Variants in WTIP observed in about 807,000 individuals in gnomAD.
The protein encoded by WTIP is Wilms tumor protein 1-interacting protein.
Under a neutral mutation model 41.7 loss-of-function variants are expected in WTIP, and 23 were observed. The observed-to-expected ratio is 0.55, with a 90% CI of 0.40 to 0.78. The LOEUF (loss-of-function observed/expected upper bound fraction) is 0.78. Among genes scored for constraint, WTIP ranks in the 30% least tolerant of loss-of-function variants. The pLI is 0.00. For synonymous variants in WTIP, 314 were observed against 269.9 expected (o/e 1.16, Z -1.60); for missense variants, 619 against 610.5 (o/e 1.01, Z -0.15).
chr19:34,482,390 G>A lies in WTIP; in HGVS notation c.416G>A (p.Ser139Asn). ...RPGPGPPSVG[S>N]ARSSVSSLGS... ...GGTCCCGGGCCGCCTTCGGTGGGCA[G>A]CGCCCGCTCCAGCGTTTCCAGCCTC... Residue 139 changes from serine (S) to asparagine (N), a missense_variant, in exon 1 of 8, where the codon AGC becomes AAC. This residue lies in a region of WTIP where 363 missense variants were observed against 309.0 expected (regional missense o/e 1.17). Transcript: ENST00000590071. 1 of 1,366,564 alleles carries A rather than the reference G, an allele frequency of 7.3e-7. No individual in the cohort carries two copies. Among genetic ancestry groups the A allele is most frequent in the South Asian group, 1.5e-5 (1 of 66,018 alleles). The allele number at this position is 1,366,564 out of a possible 1,614,324, so 84.7% of individuals were successfully genotyped here.
At chr19:34,485,916 A>G (rs1165678563) in intron 1 of WTIP, among the ~76,000 whole-genome samples, 2 of 151,384 alleles carry the variant, frequency 1.3e-5, no homozygotes, top group Admixed American at 6.6e-5. Flanking sequence ...TCTCTGTCCA[A>G]CCCCTCATCT....
chr19:34,504,099 A>T lies in WTIP; in HGVS notation c.*3830A>T, dbSNP rs2145616001. The T allele has an allele frequency of 6.6e-6, 1 of 152,128 alleles. No individual in the cohort carries two copies. The highest frequency in any genetic ancestry group is 6.6e-5 in the Admixed American group (1 of 15,260). The allele number at this position is 152,128 out of a possible 1,614,324, so 9.4% of individuals were successfully genotyped here. A position where few individuals can be genotyped will look rare whatever the true frequency, so the allele number is the denominator to read the frequency against. ...AGAAAGTCGTGTGTGAAAGGGATTG[A>T]ATATTTCAGAAAATGAATGAGAGAG... is the stretch of plus-strand genomic sequence containing the variant. On this transcript the variant is annotated 3_prime_UTR_variant, in exon 8 of 8. Transcript: ENST00000590071.
In WTIP at chr19:34,501,937, G is replaced by A. The variant is rs1430033441; in HGVS notation, c.*1668G>A. The A allele has an allele frequency of 1.3e-5, 2 of 152,206 alleles. No individual in the cohort carries two copies. The highest frequency in any genetic ancestry group is 2.9e-5 in the Non-Finnish European group (2 of 69,420). The allele number at this position is 152,206 out of a possible 1,614,324, so 9.4% of individuals were successfully genotyped here. A position where few individuals can be genotyped will look rare whatever the true frequency, so the allele number is the denominator to read the frequency against. The stretch of plus-strand genomic sequence containing the variant: ...CGGTGCTGGCTCTCTCCTGCTAGCT[G>A]AGCTGCTTTTTCTTTTCTTTTCTTT... On this transcript the variant is annotated 3_prime_UTR_variant, in exon 8 of 8. Coordinates refer to ENST00000590071, the MANE Select transcript of WTIP (RefSeq NM_001080436.2).
In WTIP at chr19:34,482,504, C is replaced by T. The variant is rs958085652; in HGVS notation, c.530C>T (p.Pro177Leu). Residue 177 changes from proline (P) to leucine (L), a missense_variant, in exon 1 of 8, where the codon CCG (proline) becomes CTG (leucine). Around this residue, in one of 3 missense-constraint regions of WTIP, gnomAD observed 363 missense variants for 309.0 expected, o/e 1.17. Transcript: ENST00000590071. The part of the protein sequence containing the change: ...APARSPEPAG[P>L]APFPLPALPL... ...GCTCGCTCCCCGGAGCCTGCGGGGC[C>T]GGCTCCCTTCCCGCTGCCTGCACTC... 4.9e-6 allele frequency: 6 copies of T among 1,234,846 alleles called. No homozygotes were observed. Among genetic ancestry groups the T allele is most frequent in the African/African-American group, 3.2e-5 (2 of 63,362 alleles). The allele number at this position is 1,234,846 out of a possible 1,614,324, so 76.5% of individuals were successfully genotyped here. A position where few individuals can be genotyped will look rare whatever the true frequency, so the allele number is the denominator to read the frequency against.
intron 1 of WTIP, among the ~76,000 whole-genome samples, chr19:34,485,613 A>G: frequency 6.7e-6 from 1 of 149,268 alleles, no homozygotes; most frequent in East Asian, 1.9e-4. Context: ...TTTTTTTTAG[A>G]GACAGGGTCT....
At position 34,481,983 on chromosome 19, in the gene WTIP, C is replaced by T; in HGVS notation, c.9C>T (p.Arg3=). ...GGCCGGCGGGCCGGGCCATGCAGCG[C>T]TCCAGGGCGGGCGCGGACGAGGCGG... MQ[R]SRAGADEAAL... is the part of the protein sequence containing the mutation. The change falls in exon 1 of 8, where the codon CGC becomes CGT. Residue 3 remains arginine, a synonymous_variant. Transcript: ENST00000590071. The T allele has an allele frequency of 9.9e-7, 1 of 1,009,262 alleles. No homozygotes were observed. Among genetic ancestry groups the T allele is most frequent in the Non-Finnish European group, 1.2e-6 (1 of 846,888 alleles). 62.5% of individuals were successfully genotyped at this position (1,009,262 alleles called of 1,614,324 possible).
chr19:34,498,086 G>A (rs2075864867), intron 7 of WTIP, among the ~76,000 whole-genome samples: 1 of 152,160 alleles, frequency 6.6e-6, no homozygotes, highest in African/African-American at 2.4e-5. Context: ...GGGACAGACA[G>A]GAGACCAGGG....
At chr19:34,485,943 C>G (rs2075795003) in intron 1 of WTIP, among the ~76,000 whole-genome samples, 1 of 152,080 alleles carries the variant, frequency 6.6e-6, no homozygotes, top group Non-Finnish European at 1.5e-5. Context: ...GTCCTTGGCC[C>G]TGGTACCAGC....
chr19:34,485,799 T>C (rs531214019), intron 1 of WTIP, among the ~76,000 whole-genome samples: 14 of 152,278 alleles, frequency 9.2e-5, no homozygotes, highest in African/African-American at 3.4e-4. Flanking sequence ...CTTGCTTTGT[T>C]GTCCAGGCTG....
At chr19:34,484,951 A>AT in intron 1 of WTIP, among the ~76,000 whole-genome samples, 1 of 151,882 alleles carries the variant, frequency 6.6e-6, no homozygotes, top group African/African-American at 2.4e-5. Flanking sequence ...AAAAAAAAAA[A>AT]AAAAGCTGCT....
intron 6 of WTIP, 95 bp from the exon 7 acceptor site, chr19:34,495,608 C>A: frequency 6.9e-7 from 1 of 1,445,812 alleles, no homozygotes; most frequent in Non-Finnish European, 9.6e-7. Context: ...GCACCTCCGC[C>A]GGGACAGGAG....
rs191771832 is a variant in WTIP, at chr19:34,481,932, A to C, written c.-43A>C. The C allele has an allele frequency of 3.1e-6, 3 of 980,280 alleles. No individual in the cohort carries two copies. Among genetic ancestry groups the C allele is most frequent in the Admixed American group, 1.2e-4 (2 of 16,108 alleles). The allele number at this position is 980,280 out of a possible 1,614,324, so 60.7% of individuals were successfully genotyped here. A position where few individuals can be genotyped will look rare whatever the true frequency, so the allele number is the denominator to read the frequency against. On this transcript the variant is annotated 5_prime_UTR_variant, in exon 1 of 8. Transcript: ENST00000590071. The stretch of plus-strand genomic sequence containing the variant: ...GCGGCCCGGCCGGAGCGGCGGCGGG[A>C]AGCGGAGGCGGAGGTGACGCGCCAG...
intron 7 of WTIP, chr19:34,498,636 C>CA: frequency 6.6e-6 from 1 of 152,532 alleles, no homozygotes; most frequent in African/African-American, 2.4e-5. Flanking sequence ...CGCGGTGGCT[C>CA]ACGCCTGTAA....
rs2075879975 is a variant in WTIP at position 34,500,563 on chromosome 19, C to T, written c.*294C>T. 2.8e-6 allele frequency: 1 copy of T among 355,678 alleles called. No homozygotes were observed. Among genetic ancestry groups the T allele is most frequent in the Non-Finnish European group, 5.1e-6 (1 of 197,896 alleles). 22.0% of individuals were successfully genotyped at this position (355,678 alleles called of 1,614,324 possible). A position where few individuals can be genotyped will look rare whatever the true frequency, so the allele number is the denominator to read the frequency against. The stretch of plus-strand genomic sequence containing the variant: ...CGTGGGTCACCAGGCTGGAGAGGGC[C>T]CCTGCCTTGGCCAGGGGTGCGAGGT... On this transcript the variant is annotated 3_prime_UTR_variant, in exon 8 of 8. Coordinates refer to ENST00000590071, the MANE Select transcript of WTIP (RefSeq NM_001080436.2).
intron 1 of WTIP, among the ~76,000 whole-genome samples, chr19:34,483,220 C>G (rs1323614874): frequency 7.0e-6 from 1 of 143,364 alleles, no homozygotes; most frequent in African/African-American, 2.6e-5. Context: ...GACAGAGTCT[C>G]CCTATGTTGC....
chr19:34,490,825 TTTG>T (rs1178977684), intron 2 of WTIP, among the ~76,000 whole-genome samples: 2 of 152,100 alleles, frequency 1.3e-5, no homozygotes, highest in South Asian at 4.1e-4. Context: ...GCTATCTATT[TTTG>T]TTGTTGTTGT....
chr19:34,493,395 C>T lies in WTIP; in HGVS notation c.900+70C>T, dbSNP rs2075835884. 1.3e-6 allele frequency: 2 copies of T among 1,593,112 alleles called. No homozygotes were observed. The highest frequency in any genetic ancestry group is 1.7e-6 in the Non-Finnish European group (2 of 1,170,532). On this transcript the variant is annotated intron_variant, in intron 4 of 7. Coordinates refer to ENST00000590071, the MANE Select transcript of WTIP (RefSeq NM_001080436.2). This position sits in a 1 kb window ranked among gnomAD's most constrained non-coding sequence, Gnocchi z 4.1. Reference sequence around the variant, plus strand: ...GAGTCTGAGGACTCTACCGTCTCCCCTGCTCCAGACCTGCCAGGGGTTCAG... The same window carrying T: ...GAGTCTGAGGACTCTACCGTCTCCCTTGCTCCAGACCTGCCAGGGGTTCAG...
At chr19:34,486,881 C>T (rs1235815821) in intron 1 of WTIP, among the ~76,000 whole-genome samples, 1 of 152,026 alleles carries the variant, frequency 6.6e-6, no homozygotes, top group Non-Finnish European at 1.5e-5. Flanking sequence ...ACCTCCACCT[C>T]CTGCACCTTC....
At chr19:34,490,730 G>A (rs1001044576) in intron 2 of WTIP, among the ~76,000 whole-genome samples, 3 of 152,250 alleles carry the variant, frequency 2.0e-5, no homozygotes, top group Non-Finnish European at 4.4e-5. Context: ...ATGCGCTCAT[G>A]TCACCCAGCT....
Sources: gnomAD v4.1 joint callset for allele counts (sites outside exome capture counted in the v4.1 genomes callset) on GRCh38, gnomAD v4.1.1 for gene constraint, gnomAD v4.1.1 regional missense constraint, Gnocchi (gnomAD v3.1) non-coding constraint, MANE v1.5 for transcripts, NCBI Gene and HGNC (gene_info 2026-07-23, HGNC 2026-07-21) for gene names.